Variants in TENM3 observed in about 807,000 individuals in gnomAD.
TENM3 encodes teneurin-3.
In TENM3, 63 loss-of-function variants were observed where a neutral mutation model predicts 255.1. The ratio of observed to expected loss-of-function variants is 0.25; its 90% CI spans 0.20 to 0.30. TENM3 has a LOEUF of 0.30. Among genes scored for constraint, TENM3 ranks in the 10% least tolerant of loss-of-function variants. TENM3 has a pLI of 1.00. For missense variants in TENM3, 2,929 were observed against 3,461.1 expected (o/e 0.85, Z 3.86); for synonymous variants, 1,306 against 1,322.3 (o/e 0.99, Z 0.27).
At chr4:182,068,562 A>G in the TENM3 span, among the ~76,000 whole-genome samples, 1 of 152,162 alleles carries the variant, frequency 6.6e-6, no homozygotes, top group Non-Finnish European at 1.5e-5. Context: ...ATGAAAAAAA[A>G]GCAAGAAATG....
chr4:182,089,163 A>G, the TENM3 span, among the ~76,000 whole-genome samples: 1 of 152,190 alleles, frequency 6.6e-6, no homozygotes, highest in Non-Finnish European at 1.5e-5. Flanking sequence ...TAAGAAAGAA[A>G]CTTCTGTTGT....
chr4:182,310,701 A>T (rs1036225332), intron 1 of TENM3, among the ~76,000 whole-genome samples: 2 of 150,874 alleles, frequency 1.3e-5, no homozygotes, highest in African/African-American at 4.9e-5. Context: ...TACATGAAAC[A>T]GGTTTTTTTG....
chr4:181,517,776 G>A, the TENM3 span, among the ~76,000 whole-genome samples: 1 of 152,156 alleles, frequency 6.6e-6, no homozygotes, highest in Non-Finnish European at 1.5e-5. Flanking sequence ...CTTTGCAAGT[G>A]ATAATAGAAG....
chr4:182,546,520 C>A (rs578244877), intron 3 of TENM3, among the ~76,000 whole-genome samples: 1 of 152,228 alleles, frequency 6.6e-6, no homozygotes, highest in East Asian at 1.9e-4. Flanking sequence ...ACTGAAGCCT[C>A]AACCTCATGG....
intron 3 of TENM3, among the ~76,000 whole-genome samples, chr4:182,469,285 AAAATT>A (rs1452702316): frequency 6.6e-6 from 1 of 152,210 alleles, no homozygotes; most frequent in Non-Finnish European, 1.5e-5. Flanking sequence ...TTATTGTAAT[AAAATT>A]AAAGCATTAA....
chr4:181,970,391 C>T, the TENM3 span, among the ~76,000 whole-genome samples: 1 of 151,992 alleles, frequency 6.6e-6, no homozygotes, highest in Non-Finnish European at 1.5e-5. Flanking sequence ...TTATCATTGC[C>T]GACCTTAGGA....
At chr4:181,567,749 T>C in the TENM3 span, among the ~76,000 whole-genome samples, 2 of 152,296 alleles carry the variant, frequency 1.3e-5, no homozygotes, top group East Asian at 3.9e-4. Context: ...GAAACTGATA[T>C]GTTGTGTATG....
At chr4:181,896,730 G>A in the TENM3 span, among the ~76,000 whole-genome samples, 1 of 152,180 alleles carries the variant, frequency 6.6e-6, no homozygotes, top group Non-Finnish European at 1.5e-5. Flanking sequence ...AGTGGGCTTA[G>A]GTGTTCCGAA....
chr4:182,300,297 G>A (rs1761774795), intron 1 of TENM3, among the ~76,000 whole-genome samples: 1 of 151,854 alleles, frequency 6.6e-6, no homozygotes, highest in Non-Finnish European at 1.5e-5. Context: ...AAGAAAGGAA[G>A]GAAGGGAAGG....
chr4:181,890,168 G>A, the TENM3 span, among the ~76,000 whole-genome samples: 1 of 152,202 alleles, frequency 6.6e-6, no homozygotes, highest in African/African-American at 2.4e-5. Context: ...TCTGGTAATT[G>A]GATAGTGTGC....
At chr4:181,853,164 C>G in the TENM3 span, among the ~76,000 whole-genome samples, 40 of 152,220 alleles carry the variant, frequency 2.6e-4, 1 homozygote, top group Admixed American at 2.6e-3. Flanking sequence ...CAATGTCAAG[C>G]AATTTTATTG....
At chr4:182,446,928 A>G (rs1772970764) in intron 3 of TENM3, among the ~76,000 whole-genome samples, 1 of 151,230 alleles carries the variant, frequency 6.6e-6, no homozygotes, top group Non-Finnish European at 1.5e-5. Flanking sequence ...TGATTTGTGA[A>G]ATGATCCTTT....
the TENM3 span, among the ~76,000 whole-genome samples, chr4:181,917,139 G>A: frequency 6.6e-6 from 1 of 152,142 alleles, no homozygotes; most frequent in Non-Finnish European, 1.5e-5. Context: ...ATGGGTGCTT[G>A]AACACATCAG....
chr4:182,371,406 G>A (rs1766802346), intron 3 of TENM3, among the ~76,000 whole-genome samples: 2 of 152,066 alleles, frequency 1.3e-5, no homozygotes, highest in African/African-American at 4.8e-5. Flanking sequence ...CGTGGTGTCT[G>A]CCCTCAAATA....
the TENM3 span, among the ~76,000 whole-genome samples, chr4:181,658,669 T>A: frequency 6.6e-6 from 1 of 152,254 alleles, no homozygotes; most frequent in South Asian, 2.1e-4. Flanking sequence ...CATTTTGGAA[T>A]GCTTACCATG....
chr4:181,859,406 G>T, the TENM3 span, among the ~76,000 whole-genome samples: 1 of 152,020 alleles, frequency 6.6e-6, no homozygotes, highest in Admixed American at 6.6e-5. Context: ...ATTTTCTTGA[G>T]TAATAGTGGC....
chr4:182,476,233 C>A (rs938002929), intron 3 of TENM3, among the ~76,000 whole-genome samples: 29 of 152,110 alleles, frequency 1.9e-4, no homozygotes, highest in African/African-American at 6.8e-4. Context: ...TAGTCTATAG[C>A]CAACCTTTAT....
rs567500461 is a variant in TENM3, at chr4:182,755,002, T to C, written c.4635T>C (p.Phe1545=). ...SLVTGDYLYN[F]SYSNDNDITA... Reference sequence around the variant, plus strand: ...TCACTGGTGATTACCTTTACAATTTTAGCTACAGCAATGACAATGATATTA... The same window carrying C: ...TCACTGGTGATTACCTTTACAATTTCAGCTACAGCAATGACAATGATATTA... The change falls in exon 22 of 28, where the codon TTT becomes TTC. Residue 1545 remains phenylalanine, a synonymous_variant. Coordinates refer to ENST00000511685, the MANE Select transcript of TENM3 (RefSeq NM_001080477.4). 18 of 1,614,022 alleles carry C rather than the reference T, an allele frequency of 1.1e-5. No homozygotes were observed. The South Asian group carries it at 1.8e-4, about 16-fold the overall frequency.
the TENM3 span, among the ~76,000 whole-genome samples, chr4:181,592,065 C>T: frequency 1.3e-5 from 2 of 152,016 alleles, no homozygotes; most frequent in African/African-American, 2.4e-5. Flanking sequence ...CTAGGAAGAG[C>T]GACTGCAAAG....
Sources: gnomAD v4.1 joint callset for allele counts (sites outside exome capture counted in the v4.1 genomes callset) on GRCh38, gnomAD v4.1.1 for gene constraint, MANE v1.5 for transcripts, NCBI Gene and HGNC (gene_info 2026-07-23, HGNC 2026-07-21) for gene names.